RERE: variants seen among roughly 807,000 people sequenced by gnomAD.
RERE encodes arginine-glutamic acid dipeptide repeats, also known as arginine-glutamic acid dipeptide repeats protein.
A neutral mutation model predicts 146.1 loss-of-function variants in RERE; 40 were observed. The ratio of observed to expected loss-of-function variants is 0.27; its 90% CI spans 0.21 to 0.36. The LOEUF (loss-of-function observed/expected upper bound fraction) is 0.36, where lower values mean the gene tolerates loss of function less well. RERE is among the 10% of genes least tolerant of loss of function. The pLI is 1.00. For missense variants in RERE, 1,933 were observed against 2,138.7 expected, an observed-to-expected ratio of 0.90 and a Z score of 1.90; for synonymous variants, 1,003 against 866.0, an observed-to-expected ratio of 1.16 and a Z score of -2.78.
chr1:8,394,759 G>A (rs1319127774), intron 12 of RERE, among the ~76,000 whole-genome samples: 1 of 152,056 alleles, frequency 6.6e-6, no homozygotes, highest in Non-Finnish European at 1.5e-5. Flanking sequence ...AAAAAAATAC[G>A]TTAACTTGCT....
intron 12 of RERE, among the ~76,000 whole-genome samples, chr1:8,405,930 C>A (rs1198421787): frequency 6.6e-6 from 1 of 152,068 alleles, no homozygotes; most frequent in Non-Finnish European, 1.5e-5. Flanking sequence ...CCACCGCAGC[C>A]GGCCTGATTT....
intron 1 of RERE, among the ~76,000 whole-genome samples, chr1:8,755,204 A>T (rs1284914954): frequency 6.6e-6 from 1 of 152,246 alleles, no homozygotes; most frequent in Non-Finnish European, 1.5e-5. Flanking sequence ...GCAGCAGTAC[A>T]GATGGACTTT....
At chr1:8,460,535 T>C (rs1040429118) in intron 11 of RERE, among the ~76,000 whole-genome samples, 5 of 152,218 alleles carry the variant, frequency 3.3e-5, no homozygotes, top group African/African-American at 9.6e-5. Context: ...ACATGGCCAA[T>C]TAAGGTTTAT....
intron 1 of RERE, among the ~76,000 whole-genome samples, chr1:8,669,693 G>A (rs1342307855): frequency 1.3e-5 from 2 of 152,054 alleles, no homozygotes; most frequent in African/African-American, 4.8e-5. Context: ...TTTGGACCAC[G>A]GTAATCTTTA....
intron 7 of RERE, among the ~76,000 whole-genome samples, chr1:8,521,610 C>T (rs779152564): frequency 9.9e-5 from 15 of 152,148 alleles, no homozygotes; most frequent in Non-Finnish European, 1.8e-4. Flanking sequence ...CAAGCACTTC[C>T]AAGTTGTTTT....
At chr1:8,624,424 A>T in intron 2 of RERE, 44 bp from the exon 3 acceptor site, 1 of 1,295,974 alleles carries the variant, frequency 7.7e-7, no homozygotes, top group Non-Finnish European at 1.1e-6. Context: ...ATTTACCTTT[A>T]AGGAACAAAG....
intron 2 of RERE, among the ~76,000 whole-genome samples, chr1:8,650,636 C>T (rs939936064): frequency 2.0e-5 from 3 of 152,032 alleles, no homozygotes; most frequent in Admixed American, 6.6e-5. Context: ...CAGTGGCTCA[C>T]GCCTGTAATC....
chr1:8,476,734 G>A (rs1644761280), intron 10 of RERE, among the ~76,000 whole-genome samples: 1 of 152,198 alleles, frequency 6.6e-6, no homozygotes, highest in Non-Finnish European at 1.5e-5. Flanking sequence ...AATAAGCAGT[G>A]CTATTATTGC....
intron 1 of RERE, among the ~76,000 whole-genome samples, chr1:8,740,984 A>G (rs1364897633): frequency 6.6e-6 from 1 of 152,244 alleles, no homozygotes; most frequent in Admixed American, 6.5e-5. Context: ...TATAATCACT[A>G]TCAAGTATTA....
At chr1:8,580,611 T>C (rs1288447960) in intron 4 of RERE, among the ~76,000 whole-genome samples, 1 of 152,244 alleles carries the variant, frequency 6.6e-6, no homozygotes, top group Non-Finnish European at 1.5e-5. Flanking sequence ...TTAGTTTTTA[T>C]AAAGGCTCAA....
chr1:8,699,962 T>C (rs1639411677), intron 1 of RERE, among the ~76,000 whole-genome samples: 1 of 152,230 alleles, frequency 6.6e-6, no homozygotes, highest in Non-Finnish European at 1.5e-5. Context: ...GCTTTAGTCA[T>C]AAACAGATTT....
At chr1:8,781,659 C>T (rs768348221) in intron 1 of RERE, among the ~76,000 whole-genome samples, 29 of 151,218 alleles carry the variant, frequency 1.9e-4, no homozygotes, top group Non-Finnish European at 3.4e-4. Flanking sequence ...ATACCTGTTA[C>T]ACAGGATTGT....
intron 1 of RERE, among the ~76,000 whole-genome samples, chr1:8,776,769 A>AG (rs1641071537): frequency 6.6e-6 from 1 of 151,976 alleles, no homozygotes; most frequent in Non-Finnish European, 1.5e-5. Context: ...CCCAGGCTGG[A>AG]GTGCAGTGGC....
intron 11 of RERE, among the ~76,000 whole-genome samples, chr1:8,461,011 C>A (rs1170713126): frequency 6.6e-6 from 1 of 152,160 alleles, no homozygotes; most frequent in Non-Finnish European, 1.5e-5. Flanking sequence ...AATCCCAGTG[C>A]AATAAGCACC....
intron 1 of RERE, among the ~76,000 whole-genome samples, chr1:8,800,209 T>G (rs1338237068): frequency 1.3e-5 from 2 of 149,250 alleles, no homozygotes; most frequent in African/African-American, 4.9e-5. Flanking sequence ...CAGTGAGCCA[T>G]GATCACACCA....
chr1:8,806,493 T>C (rs776096486), intron 1 of RERE, among the ~76,000 whole-genome samples: 15 of 152,106 alleles, frequency 9.9e-5, no homozygotes, highest in East Asian at 1.9e-4. Flanking sequence ...ATCGTCCAGC[T>C]TGGTGACAGA....
chr1:8,685,158 C>T (rs996959885), intron 1 of RERE, among the ~76,000 whole-genome samples: 1 of 152,146 alleles, frequency 6.6e-6, no homozygotes, highest in Non-Finnish European at 1.5e-5. Flanking sequence ...ACACCCAGCC[C>T]AAATTTGGAT....
intron 11 of RERE, among the ~76,000 whole-genome samples, chr1:8,457,139 A>T (rs573639145): frequency 6.6e-6 from 1 of 152,320 alleles, no homozygotes; most frequent in South Asian, 2.1e-4. Context: ...GAAACTTGGT[A>T]AGTAGGAAGG....
At chr1:8,759,422 T>C (rs1640708133) in intron 1 of RERE, among the ~76,000 whole-genome samples, 1 of 152,224 alleles carries the variant, frequency 6.6e-6, no homozygotes, top group African/African-American at 2.4e-5. Flanking sequence ...CTGAGGCCTT[T>C]GTTGGTCCAA....
Sources: gnomAD v4.1 joint callset for allele counts (sites outside exome capture counted in the v4.1 genomes callset) on GRCh38, gnomAD v4.1.1 for gene constraint, MANE v1.5 for transcripts, NCBI Gene and HGNC (gene_info 2026-07-23, HGNC 2026-07-21) for gene names.